Variants in PRKN observed in about 807,000 individuals in gnomAD.
The protein encoded by PRKN is E3 ubiquitin-protein ligase parkin.
A neutral mutation model predicts 59.5 loss-of-function variants in PRKN; 56 were observed. The observed-to-expected ratio is 0.94, with a 90% CI of 0.76 to 1.18. The LOEUF (loss-of-function observed/expected upper bound fraction) is 1.18, where lower values mean the gene tolerates loss of function less well. PRKN is among the 50% of genes most tolerant of loss of function. PRKN has a pLI of 0.00. For synonymous variants in PRKN, 250 were observed against 222.1 expected, an observed-to-expected ratio of 1.13 and a Z score of -1.12; for missense variants, 657 against 596.4, an observed-to-expected ratio of 1.10 and a Z score of -1.06.
At chr6:162,367,909 CCT>C (rs1395107654) in intron 2 of PRKN, among the ~76,000 whole-genome samples, 6 of 152,138 alleles carry the variant, frequency 3.9e-5, no homozygotes, top group African/African-American at 1.4e-4. Context: ...TGCCAGGACC[CCT>C]GAGGATGGGC....
intron 4 of PRKN, among the ~76,000 whole-genome samples, chr6:162,054,661 C>G (rs949837707): frequency 6.6e-6 from 1 of 152,184 alleles, no homozygotes; most frequent in African/African-American, 2.4e-5. Context: ...ATCCCAGCAC[C>G]TAGAGGAGGG....
intron 1 of PRKN, among the ~76,000 whole-genome samples, chr6:162,611,724 C>A (rs1782160104): frequency 6.6e-6 from 1 of 152,190 alleles, no homozygotes; most frequent in African/African-American, 2.4e-5. Flanking sequence ...TTCCTGAGGT[C>A]AGGGACTGAC....
At chr6:162,579,997 T>C (rs914687705) in intron 1 of PRKN, among the ~76,000 whole-genome samples, 1 of 152,194 alleles carries the variant, frequency 6.6e-6, no homozygotes, top group African/African-American at 2.4e-5. Context: ...AACGTTATCA[T>C]TATTTTAGAT....
At chr6:162,530,325 G>T (rs1778460815) in intron 1 of PRKN, among the ~76,000 whole-genome samples, 1 of 152,050 alleles carries the variant, frequency 6.6e-6, no homozygotes, top group South Asian at 2.1e-4. Context: ...ACTCAGGTTA[G>T]ACTTTGAAGA....
chr6:162,224,362 G>C (rs373630191), intron 3 of PRKN, among the ~76,000 whole-genome samples: 32 of 152,234 alleles, frequency 2.1e-4, no homozygotes, highest in East Asian at 1.4e-3. Context: ...GTGCTGTACA[G>C]GTTTGCAGCC....
chr6:162,452,113 C>T (rs1171524684), intron 1 of PRKN, among the ~76,000 whole-genome samples: 3 of 151,730 alleles, frequency 2.0e-5, no homozygotes, highest in Non-Finnish European at 4.4e-5. Context: ...AAACAAAAAG[C>T]AAAAAATGCT....
intron 1 of PRKN, among the ~76,000 whole-genome samples, chr6:162,509,128 C>G (rs932047991): frequency 1.6e-4 from 24 of 152,096 alleles, no homozygotes; most frequent in Admixed American, 1.5e-3. Context: ...AAAATTTAAC[C>G]CAGCAGCTTT....
intron 6 of PRKN, among the ~76,000 whole-genome samples, chr6:161,874,182 T>C (rs373417781): frequency 8.2e-5 from 4 of 49,062 alleles, no homozygotes; most frequent in Admixed American, 3.7e-4. Context: ...ATATATATTA[T>C]ATATAATATA....
At chr6:161,940,922 G>A (rs900358152) in intron 6 of PRKN, among the ~76,000 whole-genome samples, 5 of 152,170 alleles carry the variant, frequency 3.3e-5, no homozygotes, top group African/African-American at 4.8e-5. Context: ...GGTTCTCCCC[G>A]CACACACCAT....
chr6:161,910,127 C>A (rs1778300336), intron 6 of PRKN, among the ~76,000 whole-genome samples: 1 of 152,168 alleles, frequency 6.6e-6, no homozygotes, highest in Non-Finnish European at 1.5e-5. Flanking sequence ...TGAATTGTGG[C>A]AATCTCATGA....
At chr6:161,486,442 T>G (rs1791647335) in intron 9 of PRKN, among the ~76,000 whole-genome samples, 1 of 152,130 alleles carries the variant, frequency 6.6e-6, no homozygotes, top group African/African-American at 2.4e-5. Flanking sequence ...ACCATAAGGA[T>G]TTTAGGAACG....
chr6:161,493,302 A>G (rs1777625752), intron 9 of PRKN, among the ~76,000 whole-genome samples: 1 of 152,254 alleles, frequency 6.6e-6, no homozygotes, highest in South Asian at 2.1e-4. Context: ...AATTCACTTA[A>G]CCATCAAAAC....
chr6:161,853,617 A>C (rs969394772), intron 6 of PRKN, among the ~76,000 whole-genome samples: 4 of 152,234 alleles, frequency 2.6e-5, no homozygotes, highest in Non-Finnish European at 4.4e-5. Context: ...GTCAGTTTGC[A>C]AAGGTAAAAT....
At chr6:162,183,477 A>T (rs1783887574) in intron 4 of PRKN, among the ~76,000 whole-genome samples, 1 of 152,182 alleles carries the variant, frequency 6.6e-6, no homozygotes, top group South Asian at 2.1e-4. Flanking sequence ...CCTATGAAGT[A>T]GGTTTCTCTG....
chr6:162,312,414 T>A, intron 2 of PRKN, among the ~76,000 whole-genome samples: 1 of 152,126 alleles, frequency 6.6e-6, no homozygotes, highest in East Asian at 1.9e-4. Context: ...CCCAGCTAGG[T>A]TCTGTTGCCC....
intron 6 of PRKN, among the ~76,000 whole-genome samples, chr6:161,805,768 G>A (rs1791292503): frequency 1.3e-5 from 2 of 152,296 alleles, no homozygotes; most frequent in South Asian, 4.1e-4. Flanking sequence ...AACAGCTGTT[G>A]ATGGAGAGCC....
At chr6:161,613,887 C>T (rs933255553) in intron 7 of PRKN, among the ~76,000 whole-genome samples, 1 of 152,216 alleles carries the variant, frequency 6.6e-6, no homozygotes, top group Non-Finnish European at 1.5e-5. Flanking sequence ...CGTAGCTCAG[C>T]TTCTCCTCTG....
chr6:162,584,841 TCCCC>T (rs1780964982), intron 1 of PRKN, among the ~76,000 whole-genome samples: 1 of 6,840 alleles, frequency 1.5e-4, no homozygotes, highest in African/African-American at 9.4e-4. Context: ...TCCCATCCCC[TCCCC>T]TCCCCTGTCC....
intron 4 of PRKN, among the ~76,000 whole-genome samples, chr6:162,104,044 C>T (rs1040277945): frequency 1.3e-5 from 2 of 152,176 alleles, no homozygotes; most frequent in Non-Finnish European, 2.9e-5. Context: ...AAGGAGAGGC[C>T]TTCTGCAGTG....
Sources: allele counts gnomAD v4.1 joint callset (sites outside exome capture counted in the v4.1 genomes callset), GRCh38; gene constraint gnomAD v4.1.1; transcripts MANE v1.5; gene names NCBI Gene and HGNC (gene_info 2026-07-23, HGNC 2026-07-21).